Variants in CCDC178 observed in about 807,000 individuals in gnomAD.
The protein encoded by CCDC178 is coiled-coil domain containing 178.
A neutral mutation model predicts 117.4 loss-of-function variants in CCDC178; 126 were observed. The ratio of observed to expected loss-of-function variants is 1.07; its 90% CI spans 0.93 to 1.24. CCDC178 has a LOEUF of 1.24. Ranked by LOEUF, CCDC178 falls within the 50% of genes most tolerant of loss-of-function variation. The probability of loss-of-function intolerance (pLI) is 0.00; values close to 1 mark genes in which losing one functional copy is unlikely to be tolerated. For missense variants in CCDC178, 1,030 were observed against 986.9 expected (o/e 1.04, Z -0.59); for synonymous variants, 283 against 313.4 (o/e 0.90, Z 1.02).
At chr18:33,389,665 G>A (rs969923235) in intron 4 of CCDC178, 36 bp from the exon 5 acceptor site, 2 of 1,095,442 alleles carry the variant, frequency 1.8e-6, no homozygotes, top group African/African-American at 1.6e-5. Flanking sequence ...TTAGTGAGTA[G>A]TTAATATTAT....
At chr18:33,263,002 G>C (rs1230470556) in intron 14 of CCDC178, among the ~76,000 whole-genome samples, 1 of 152,080 alleles carries the variant, frequency 6.6e-6, no homozygotes, top group African/African-American at 2.4e-5. Context: ...TTCTTCCTTG[G>C]AAACACACAA....
At chr18:33,207,597 T>C (rs755797169) in intron 20 of CCDC178, among the ~76,000 whole-genome samples, 2 of 151,264 alleles carry the variant, frequency 1.3e-5, no homozygotes, top group Non-Finnish European at 3.0e-5. Flanking sequence ...AGCACAACTA[T>C]ATAAGAAAAA....
At chr18:33,135,064 A>G (rs991297910) in intron 20 of CCDC178, among the ~76,000 whole-genome samples, 1 of 152,104 alleles carries the variant, frequency 6.6e-6, no homozygotes, top group African/African-American at 2.4e-5. Flanking sequence ...TTTTGTAAAT[A>G]TAAGATTTAT....
intron 20 of CCDC178, among the ~76,000 whole-genome samples, chr18:33,163,382 CAA>C (rs1294738716): frequency 1.3e-5 from 2 of 152,128 alleles, no homozygotes; most frequent in East Asian, 3.9e-4. Flanking sequence ...TTCTACAACA[CAA>C]GTCTCATTTA....
At chr18:33,299,502 A>AAC (rs71159812) in intron 11 of CCDC178, among the ~76,000 whole-genome samples, 18,287 of 145,498 alleles carry the variant, frequency 0.13, 1,138 homozygotes, top group African/African-American at 0.18. Context: ...AACTAGTATA[A>AAC]ACACACACAC....
At chr18:33,125,765 C>A (rs796111674) in intron 20 of CCDC178, among the ~76,000 whole-genome samples, 36 of 152,296 alleles carry the variant, frequency 2.4e-4, no homozygotes, top group African/African-American at 8.7e-4. Context: ...CTTTTCAGAG[C>A]ATGTGACACC....
At chr18:33,010,875 G>A (rs899228666) in intron 21 of CCDC178, among the ~76,000 whole-genome samples, 5 of 152,114 alleles carry the variant, frequency 3.3e-5, no homozygotes, top group Non-Finnish European at 7.4e-5. Flanking sequence ...TTCCTTTCTT[G>A]CTCTTCAACC....
chr18:33,396,907 C>T (rs964941982), intron 4 of CCDC178, among the ~76,000 whole-genome samples: 1 of 152,072 alleles, frequency 6.6e-6, no homozygotes, highest in Non-Finnish European at 1.5e-5. Context: ...AGTTTGTACA[C>T]TCTTCTTAAG....
intron 11 of CCDC178, among the ~76,000 whole-genome samples, chr18:33,297,975 G>A (rs1018599275): frequency 6.6e-6 from 1 of 152,010 alleles, no homozygotes; most frequent in African/African-American, 2.4e-5. Flanking sequence ...CTGGGAGGTG[G>A]AGCTTGCAGT....
At chr18:33,259,827 C>T (rs1052098212) in intron 14 of CCDC178, among the ~76,000 whole-genome samples, 2 of 152,002 alleles carry the variant, frequency 1.3e-5, no homozygotes. Context: ...ACTTTAGAAC[C>T]TACCATAATG....
chr18:33,330,056 T>C (rs1356408749), intron 10 of CCDC178, among the ~76,000 whole-genome samples: 1 of 151,578 alleles, frequency 6.6e-6, no homozygotes, highest in Non-Finnish European at 1.5e-5. Flanking sequence ...CTTGATTCCA[T>C]TTTATCTAGG....
intron 11 of CCDC178, among the ~76,000 whole-genome samples, chr18:33,299,134 C>G (rs926444849): frequency 6.6e-6 from 1 of 151,884 alleles, no homozygotes; most frequent in Non-Finnish European, 1.5e-5. Flanking sequence ...TTTATGGAAC[C>G]ACAAAAACCC....
intron 4 of CCDC178, among the ~76,000 whole-genome samples, chr18:33,391,193 C>T (rs1330922037): frequency 6.7e-6 from 1 of 150,072 alleles, no homozygotes; most frequent in Admixed American, 6.6e-5. Context: ...CTTGATGTGA[C>T]TAAATATGAA....
At chr18:32,972,947 T>A (rs866607752) in intron 22 of CCDC178, among the ~76,000 whole-genome samples, 3 of 152,068 alleles carry the variant, frequency 2.0e-5, no homozygotes, top group African/African-American at 7.2e-5. Context: ...AGGCACTAAT[T>A]TATGCTGCTC....
intron 15 of CCDC178, among the ~76,000 whole-genome samples, chr18:33,227,532 A>G (rs112496167): frequency 6.6e-4 from 80 of 121,672 alleles, no homozygotes; most frequent in Middle Eastern, 4.5e-3. Flanking sequence ...AGATATATGT[A>G]TGTGTGTGTG....
chr18:33,347,196 A>G (rs1312359035), intron 8 of CCDC178, among the ~76,000 whole-genome samples: 1 of 152,220 alleles, frequency 6.6e-6, no homozygotes, highest in Non-Finnish European at 1.5e-5. Flanking sequence ...TTATATAAAC[A>G]CATAAATACA....
At chr18:33,411,570 CAT>C (rs1489490440) in intron 3 of CCDC178, among the ~76,000 whole-genome samples, 1 of 151,734 alleles carries the variant, frequency 6.6e-6, no homozygotes, top group Non-Finnish European at 1.5e-5. Context: ...GCAATAAAAT[CAT>C]ATAATTTTAA....
At chr18:33,237,164 T>C (rs559575476) in intron 15 of CCDC178, among the ~76,000 whole-genome samples, 83 of 152,234 alleles carry the variant, frequency 5.5e-4, no homozygotes, top group Middle Eastern at 3.4e-3. Flanking sequence ...TCTGCAGCAA[T>C]GGCGCTCCAT....
intron 21 of CCDC178, among the ~76,000 whole-genome samples, chr18:33,037,402 T>C (rs1202023256): frequency 6.6e-6 from 1 of 151,964 alleles, no homozygotes; most frequent in Non-Finnish European, 1.5e-5. Context: ...GTAAACTCTG[T>C]CATTGATAAG....
Sources: allele counts gnomAD v4.1 joint callset (sites outside exome capture counted in the v4.1 genomes callset), GRCh38; gene constraint gnomAD v4.1.1; transcripts MANE v1.5; gene names NCBI Gene and HGNC (gene_info 2026-07-23, HGNC 2026-07-21).